COL3A1: variants seen among roughly 807,000 people sequenced by gnomAD.
COL3A1 encodes the protein collagen type III alpha 1 chain, also known as collagen alpha-1(III) chain.
COL3A1 carries 46 observed loss-of-function variants against 200.9 expected under a neutral mutation model. The observed-to-expected ratio is 0.23, with a 90% confidence interval of 0.18 to 0.29. The LOEUF (loss-of-function observed/expected upper bound fraction) is 0.29, where lower values mean the gene tolerates loss of function less well. Ranked by LOEUF, COL3A1 falls within the 10% of genes least tolerant of loss-of-function variation. The pLI, the probability that COL3A1 is intolerant of heterozygous loss-of-function variation, is 1.00. For synonymous variants in COL3A1, 650 were observed against 628.0 expected, an observed-to-expected ratio of 1.03 and a Z score of -0.52; for missense variants, 1,367 against 1,917.6, an observed-to-expected ratio of 0.71 and a Z score of 5.36.
chr2:188,994,289 G>T lies in COL3A1; in HGVS notation c.1250G>T (p.Gly417Val). ...CTGATGGGAGCCCGGGGTCCTCCAG[G>T]ACCAGCCGGTGCTAATGGTGCTCCT... Reference protein sequence around the residue: ...PGLMGARGPPGPAGANGAPGL... With the variant: ...PGLMGARGPPVPAGANGAPGL... The change falls in exon 18 of 51, where the codon GGA becomes GTA. Residue 417 changes from glycine (G) to valine (V), a missense_variant. Physicochemically the swap from Gly to Val is moderately radical, Grantham distance 109 (BLOSUM62 -3). This residue lies in a region of COL3A1 where 462 missense variants were observed against 681.4 expected (regional missense o/e 0.68). Coordinates refer to ENST00000304636, the MANE Select transcript of COL3A1 (RefSeq NM_000090.4). This position sits in a 1 kb window ranked among gnomAD's most constrained non-coding sequence, Gnocchi z 4.5. 1 of 1,613,818 alleles carries T rather than the reference G, an allele frequency of 6.2e-7. No individual in the cohort carries two copies. Among genetic ancestry groups the T allele is most frequent in the South Asian group, 1.1e-5 (1 of 91,066 alleles).
At chr2:188,986,344 A>T (rs2153501565) in intron 4 of COL3A1, among the ~76,000 whole-genome samples, 1 of 152,162 alleles carries the variant, frequency 6.6e-6, no homozygotes, top group Non-Finnish European at 1.5e-5. Flanking sequence ...GTTGCATGGA[A>T]TTAGGTGAAA....
At chr2:188,995,648 G>A (rs772144501) in intron 21 of COL3A1, 44 bp from the exon 22 acceptor site, 1 of 1,364,122 alleles carries the variant, frequency 7.3e-7, no homozygotes, top group Middle Eastern at 1.9e-4. Flanking sequence ...ATCTAGGTTA[G>A]TGAAGGCTAT....
chr2:188,991,682 C>A lies in COL3A1; in HGVS notation c.911C>A (p.Ala304Asp), dbSNP rs730880061. The change falls in exon 13 of 51, where the codon GCT (alanine) becomes GAT (aspartate). Residue 304 changes from alanine to aspartate, a missense_variant. Coordinates refer to ENST00000304636, the MANE Select transcript of COL3A1 (RefSeq NM_000090.4). ...GAPGPMGPRG[A>D]PGERGRPGLP... ...TTTACTCTGTAGGGTCCAAGAGGGG[C>A]TCCTGGTGAGCGAGGACGGCCAGGA... 37 of 1,613,850 alleles carry A rather than the reference C, an allele frequency of 2.3e-5. No individual in the cohort carries two copies. Among genetic ancestry groups the A allele is most frequent in the Non-Finnish European group, 2.5e-6 (3 of 1,179,936 alleles).
rs1427744978 is a variant in COL3A1 at position 189,009,035 on chromosome 2, G to T, written c.3637G>T (p.Ala1213Ser). 1.2e-6 allele frequency: 2 copies of T among 1,614,054 alleles called. No individual in the cohort carries two copies. The highest frequency in any genetic ancestry group is 1.7e-6 in the Non-Finnish European group (2 of 1,180,032). Reference sequence around the variant, plus strand: ...CATTGCTGGGATTGGAGGTGAAAAAGCTGGCGGTTTTGCCCCGTATTATGG... The same window carrying T: ...CATTGCTGGGATTGGAGGTGAAAAATCTGGCGGTTTTGCCCCGTATTATGG... ...AAIAGIGGEK[A>S]GGFAPYYGDE... The change falls in exon 48 of 51, where the codon GCT becomes TCT. Residue 1213 changes from alanine to serine, a missense_variant. This residue lies in a region of COL3A1 where 846 missense variants were observed against 1,147.9 expected (regional missense o/e 0.74). Transcript: ENST00000304636.
chr2:188,997,260 T>A, intron 25 of COL3A1, 42 bp downstream of exon 25: 1 of 1,613,316 alleles, frequency 6.2e-7, no homozygotes. Context: ...TTCTAATAGA[T>A]GCGTTCATCT....
At chr2:188,988,914 G>C (rs1348387718) in intron 7 of COL3A1, among the ~76,000 whole-genome samples, 3 of 151,596 alleles carry the variant, frequency 2.0e-5, no homozygotes, top group Non-Finnish European at 4.4e-5. Flanking sequence ...ATTAAATATA[G>C]ATTTCATTTT....
chr2:188,999,663 G>C (rs1421202388), intron 31 of COL3A1, 86 bp downstream of exon 31: 27 of 1,453,264 alleles, frequency 1.9e-5, no homozygotes, highest in Non-Finnish European at 2.6e-5. Context: ...GTAATCGACT[G>C]TATTTTCAAA....
intron 22 of COL3A1, 113 bp downstream of exon 22, chr2:188,995,903 C>A: frequency 1.9e-6 from 2 of 1,061,160 alleles, no homozygotes; most frequent in Non-Finnish European, 1.4e-6. Context: ...TTTTGTAAGG[C>A]ACCAAACAAA....
intron 1 of COL3A1, among the ~76,000 whole-genome samples, chr2:188,976,239 G>C (rs1687811419): frequency 6.6e-6 from 1 of 152,026 alleles, no homozygotes; most frequent in African/African-American, 2.4e-5. Flanking sequence ...GTGGTTGCAA[G>C]CTTTTTATAA....
chr2:188,998,369 T>G (rs771015743), intron 28 of COL3A1, 50 bp downstream of exon 28: 2 of 1,488,850 alleles, frequency 1.3e-6, no homozygotes, highest in South Asian at 2.3e-5. Context: ...GAATACACAC[T>G]GTTTGTTTGT....
intron 27 of COL3A1, 113 bp downstream of exon 27, chr2:188,997,866 A>G (rs1046115476): frequency 2.2e-5 from 22 of 1,014,648 alleles, no homozygotes; most frequent in South Asian, 1.1e-4. Context: ...TTTCATCTGG[A>G]AATAAAATTT....
Position 189,010,818 on chromosome 2 carries a change from G to A in COL3A1, c.4182G>A (p.Gly1394=), listed in dbSNP as rs1576474470. ...TAAAGAAGGCCCTGAAGCTGATGGG[G>A]TCAAATGAAGGTGAATTCAAGGCTG... is the stretch of plus-strand genomic sequence containing the variant. ...GNVKKALKLM[G]SNEGEFKAEG... Residue 1394 remains glycine, a synonymous_variant, in exon 50 of 51, where the codon GGG becomes GGA. Coordinates refer to ENST00000304636, the MANE Select transcript of COL3A1 (RefSeq NM_000090.4). 1.2e-6 allele frequency: 2 copies of A among 1,614,150 alleles called. No individual in the cohort carries two copies. The highest frequency in any genetic ancestry group is 8.5e-7 in the Non-Finnish European group (1 of 1,180,008).
chr2:189,006,313 T>G (rs535794536), intron 42 of COL3A1, 32 bp from the exon 43 acceptor site: 1 of 1,613,762 alleles, frequency 6.2e-7, no homozygotes, highest in South Asian at 1.1e-5. Flanking sequence ...GTGATCATCA[T>G]GTTTATTTTG....
intron 13 of COL3A1, 131 bp downstream of exon 13, chr2:188,991,853 T>A: frequency 1.1e-6 from 1 of 911,170 alleles, no homozygotes; most frequent in Non-Finnish European, 1.8e-6. Flanking sequence ...AATGATACTG[T>A]GATAAAGTTT....
intron 16 of COL3A1, 84 bp from the exon 17 acceptor site, chr2:188,993,950 GATAC>G: frequency 8.1e-7 from 1 of 1,242,154 alleles, no homozygotes; most frequent in Non-Finnish European, 1.2e-6. Flanking sequence ...AACACTCATC[GATAC>G]ATTTATTTTC....
chr2:188,985,066 A>G (rs1688035986), intron 2 of COL3A1, 104 bp downstream of exon 2: 2 of 1,402,654 alleles, frequency 1.4e-6, no homozygotes, highest in Non-Finnish European at 2.0e-6. Context: ...ATGTTCATCA[A>G]ATAGCCATGT....
At position 189,001,501 on chromosome 2, in the gene COL3A1, G is replaced by A. The variant is rs753827862; in HGVS notation, c.2338-35G>A. Reference sequence around the variant, plus strand: ...AAAAAGAAAATGTCTCTCTCTTTTGGATGCAAGACAGTGACATGGCTTCTC... The same window carrying A: ...AAAAAGAAAATGTCTCTCTCTTTTGAATGCAAGACAGTGACATGGCTTCTC... On this transcript the variant is annotated intron_variant, in intron 33 of 50. Coordinates refer to ENST00000304636, the MANE Select transcript of COL3A1 (RefSeq NM_000090.4). 3.1e-6 allele frequency: 5 copies of A among 1,613,838 alleles called. No individual in the cohort carries two copies. In the African/African-American group the frequency reaches 6.7e-5, roughly 22 times the overall value.
chr2:189,007,776 G>A, intron 45 of COL3A1, 109 bp from the exon 46 acceptor site: 11 of 1,437,030 alleles, frequency 7.7e-6, no homozygotes, highest in Non-Finnish European at 9.8e-6. Context: ...ATTAAAGAAA[G>A]AAAAAAAATT....
chr2:188,995,802 C>T lies in COL3A1; in HGVS notation c.1608+12C>T, dbSNP rs1272974202. The T allele has an allele frequency of 1.9e-6, 3 of 1,544,754 alleles. No homozygotes were observed. Among genetic ancestry groups the T allele is most frequent in the Non-Finnish European group, 2.6e-6 (3 of 1,139,836 alleles). On this transcript the variant is annotated intron_variant, in intron 22 of 50. Transcript: ENST00000304636. ...GTCCAGGAATGAGGGTACAGAGAAA[C>T]ATTTGTTTGAATGACACTTTAATTT...
Sources: gnomAD v4.1 joint callset for allele counts (sites outside exome capture counted in the v4.1 genomes callset) on GRCh38, gnomAD v4.1.1 for gene constraint, gnomAD v4.1.1 regional missense constraint, Gnocchi (gnomAD v3.1) non-coding constraint, MANE v1.5 for transcripts, NCBI Gene and HGNC (gene_info 2026-07-23, HGNC 2026-07-21) for gene names.